The following CACNG2 variants were observed in gnomAD, a reference collection of about 807,000 sequenced individuals.
The protein encoded by CACNG2 is calcium voltage-gated channel auxiliary subunit gamma 2.
CACNG2 carries 3 observed loss-of-function variants against 25.9 expected under a neutral mutation model. That is an observed-to-expected ratio of 0.12 (90% confidence interval 0.05 to 0.30). The LOEUF is 0.30. CACNG2 is among the 10% of genes least tolerant of loss of function. The pLI is 1.00. For missense variants in CACNG2, 341 were observed against 432.5 expected (o/e 0.79, Z 1.88); for synonymous variants, 167 against 173.3 (o/e 0.96, Z 0.29).
chr22:36,660,695 C>T (rs894578582), intron 1 of CACNG2, among the ~76,000 whole-genome samples: 1 of 152,210 alleles, frequency 6.6e-6, no homozygotes, highest in Admixed American at 6.5e-5. Flanking sequence ...CAGTTGTCAC[C>T]CACAAAGTGC....
intron 2 of CACNG2, 55 bp from the exon 3 acceptor site, chr22:36,566,548 G>C (rs780983254): frequency 6.3e-7 from 1 of 1,587,912 alleles, no homozygotes; most frequent in African/African-American, 1.3e-5. Flanking sequence ...TGAGACTGAG[G>C]CACACAGAGG....
intron 1 of CACNG2, among the ~76,000 whole-genome samples, chr22:36,698,116 C>T (rs1480879848): frequency 6.6e-6 from 1 of 152,144 alleles, no homozygotes; most frequent in Non-Finnish European, 1.5e-5. Context: ...ACAAATCATT[C>T]TGACTTCCGC....
rs371583664 is a variant in CACNG2, at chr22:36,614,646, T to C, written c.212-27098A>G. On this transcript the variant is annotated intron_variant, in intron 1 of 3. Transcript: ENST00000300105. ...CACCATCCAGCCCCGGGTCAGCACA[T>C]CCACAGAGAGCAGGCAGGGTGGTGG... is the stretch of plus-strand genomic sequence containing the variant. Among the ~76,000 whole-genome samples the C allele has an allele frequency of 1.7e-3, 262 of 152,218 alleles. 2 individuals are homozygous for C. Among genetic ancestry groups the C allele is most frequent in the African/African-American group, 6.0e-3 (250 of 41,536 alleles).
chr22:36,644,797 G>GT (rs931291588), intron 1 of CACNG2, among the ~76,000 whole-genome samples: 6 of 151,676 alleles, frequency 4.0e-5, no homozygotes, highest in South Asian at 2.1e-4. Flanking sequence ...TATATAAGTG[G>GT]TTTTTTTTGT....
At chr22:36,680,293 A>G (rs76315281) in intron 1 of CACNG2, among the ~76,000 whole-genome samples, 4,586 of 151,502 alleles carry the variant, frequency 0.03, 235 homozygotes, top group African/African-American at 0.11. Context: ...CACCACCTTC[A>G]TGATCACTGC....
intron 1 of CACNG2, among the ~76,000 whole-genome samples, chr22:36,690,027 C>T (rs886366362): frequency 6.6e-6 from 1 of 152,262 alleles, no homozygotes; most frequent in Admixed American, 6.5e-5. Flanking sequence ...TTTACAGATG[C>T]ACGGCTTTCT....
At chr22:36,571,313 C>T (rs772347865) in intron 2 of CACNG2, among the ~76,000 whole-genome samples, 5 of 152,026 alleles carry the variant, frequency 3.3e-5, no homozygotes, top group Admixed American at 6.5e-5. Flanking sequence ...AAAAATTAGC[C>T]GGGCGTGACG....
chr22:36,679,427 T>C (rs1937067487), intron 1 of CACNG2, among the ~76,000 whole-genome samples: 1 of 152,132 alleles, frequency 6.6e-6, no homozygotes, highest in Non-Finnish European at 1.5e-5. Context: ...CTGAGGGCTC[T>C]TCATTCATGG....
intron 1 of CACNG2, among the ~76,000 whole-genome samples, chr22:36,613,341 C>T (rs555961196): frequency 1.3e-4 from 20 of 152,296 alleles, no homozygotes; most frequent in African/African-American, 4.8e-4. Context: ...ATACCTTTCT[C>T]CCTCAAGTGC....
At position 36,561,104 on chromosome 22, in the gene CACNG2, C is replaced by T. The variant is rs762381615; in HGVS notation, c.*3247G>A. The T allele has an allele frequency of 1.3e-5, 2 of 152,296 alleles. No individual in the cohort carries two copies. The highest frequency in any genetic ancestry group is 2.9e-5 in the Non-Finnish European group (2 of 68,134). 9.4% of individuals were successfully genotyped at this position (152,296 alleles called of 1,614,324 possible). A position where few individuals can be genotyped will look rare whatever the true frequency, so the allele number is the denominator to read the frequency against. On this transcript the variant is annotated 3_prime_UTR_variant, in exon 4 of 4. Coordinates refer to ENST00000300105, the MANE Select transcript of CACNG2 (RefSeq NM_006078.5). ...CTCCTTCCCTCCGGACCCCCTAGCC[C>T]CTTCTCAGCCATGGCGATGTCACCC...
chr22:36,667,643 C>T (rs543684786), intron 1 of CACNG2, among the ~76,000 whole-genome samples: 3 of 152,260 alleles, frequency 2.0e-5, no homozygotes, highest in East Asian at 1.9e-4. Context: ...TTTGAAAGGC[C>T]GTTTGGTTTA....
At chr22:36,692,942 C>G (rs568427230) in intron 1 of CACNG2, among the ~76,000 whole-genome samples, 60 of 152,234 alleles carry the variant, frequency 3.9e-4, no homozygotes, top group African/African-American at 1.4e-3. Context: ...GGTCAGGAGT[C>G]CAAGACCAGC....
At chr22:36,610,800 C>T (rs907369724) in intron 1 of CACNG2, among the ~76,000 whole-genome samples, 1 of 152,140 alleles carries the variant, frequency 6.6e-6, no homozygotes, top group Non-Finnish European at 1.5e-5. Context: ...GTTGGTTGCA[C>T]CAGTTGTTGC....
chr22:36,701,396 G>GTGTC (rs1937409925), intron 1 of CACNG2, among the ~76,000 whole-genome samples: 1 of 152,052 alleles, frequency 6.6e-6, no homozygotes, highest in Non-Finnish European at 1.5e-5. Flanking sequence ...AGAAGTACAT[G>GTGTC]CCTTCATCCA....
At chr22:36,632,221 A>G (rs1347797177) in intron 1 of CACNG2, among the ~76,000 whole-genome samples, 4 of 151,956 alleles carry the variant, frequency 2.6e-5, no homozygotes. Context: ...CGGCTGCCCC[A>G]GATGGTCTCT....
At chr22:36,672,866 A>T (rs950980761) in intron 1 of CACNG2, among the ~76,000 whole-genome samples, 1 of 152,238 alleles carries the variant, frequency 6.6e-6, no homozygotes, top group Non-Finnish European at 1.5e-5. Flanking sequence ...TAAGGATGGC[A>T]TCTGCCTTGC....
At chr22:36,692,991 C>A (rs1937284787) in intron 1 of CACNG2, among the ~76,000 whole-genome samples, 2 of 152,112 alleles carry the variant, frequency 1.3e-5, no homozygotes, top group Non-Finnish European at 2.9e-5. Flanking sequence ...ACTAAAAATA[C>A]AAAAATTAGA....
chr22:36,587,889 G>A (rs997550945), intron 1 of CACNG2, among the ~76,000 whole-genome samples: 29 of 152,202 alleles, frequency 1.9e-4, no homozygotes, highest in African/African-American at 5.8e-4. Context: ...TCCTCAGCCC[G>A]TCTCTGTGCC....
intron 1 of CACNG2, among the ~76,000 whole-genome samples, chr22:36,652,292 C>T (rs1484855484): frequency 6.6e-6 from 1 of 152,054 alleles, no homozygotes; most frequent in African/African-American, 2.4e-5. Context: ...CCCATGTGTT[C>T]CCCCGCCATT....
Sources: allele counts gnomAD v4.1 joint callset (sites outside exome capture counted in the v4.1 genomes callset), GRCh38; gene constraint gnomAD v4.1.1; transcripts MANE v1.5; gene names NCBI Gene and HGNC (gene_info 2026-07-23, HGNC 2026-07-21).